Variants in ATM observed in about 807,000 individuals in gnomAD.
ATM encodes ATM serine/threonine kinase.
Under a neutral mutation model 387.0 loss-of-function variants are expected in ATM, and 308 were observed. The ratio of observed to expected loss-of-function variants is 0.80; its 90% CI spans 0.73 to 0.87. ATM has a LOEUF of 0.87. Among genes scored for constraint, ATM ranks in the 40% least tolerant of loss-of-function variants. The pLI, the probability that ATM is intolerant of heterozygous loss-of-function variation, is 0.00. For missense variants in ATM, 3,312 were observed against 3,560.9 expected (o/e 0.93, Z 1.78); for synonymous variants, 1,156 against 1,187.3 (o/e 0.97, Z 0.54).
intron 40 of ATM, 83 bp from the exon 41 acceptor site, chr11:108,315,740 G>T: frequency 1.0e-6 from 1 of 958,466 alleles, no homozygotes; most frequent in Non-Finnish European, 1.7e-6. Context: ...GTTACATATT[G>T]GTAATGATAC....
In ATM at chr11:108,335,944, A is replaced by G. The variant is rs2086799919; in HGVS notation, c.8251A>G (p.Thr2751Ala). The G allele has an allele frequency of 3.7e-6, 6 of 1,609,648 alleles. No individual in the cohort carries two copies. The highest frequency in any genetic ancestry group is 5.1e-6 in the Non-Finnish European group (6 of 1,176,022). ...CACGGAAACTAGGAAGAGGAAATTAACTATCTGTACTTATAAGGTAACTAT... is the reference window on the plus strand; with the variant it reads ...CACGGAAACTAGGAAGAGGAAATTAGCTATCTGTACTTATAAGGTAACTAT... ...RNTETRKRKLTICTYKVVPLS... is the reference protein window; with the variant it reads ...RNTETRKRKLAICTYKVVPLS... The change falls in exon 56 of 63, where the codon ACT becomes GCT. Residue 2751 changes from threonine to alanine, a missense_variant. Around this residue, in one of 4 missense-constraint regions of ATM, gnomAD observed 1,405 missense variants for 1,604.4 expected, o/e 0.88. Coordinates refer to ENST00000675843, the MANE Select transcript of ATM (RefSeq NM_000051.4).
Position 108,320,307 on chromosome 11 carries a change from A to T in ATM, c.6452+249A>T, listed in dbSNP as rs139346740. Among the ~76,000 whole-genome samples the T allele has an allele frequency of 5.0e-3, 765 of 152,252 alleles. 12 individuals carry two copies. The highest frequency in any genetic ancestry group is 0.018 in the African/African-American group (730 of 41,542). On this transcript the variant is annotated intron_variant, in intron 44 of 62. Coordinates refer to ENST00000675843, the MANE Select transcript of ATM (RefSeq NM_000051.4). ...GTGATTCCCTCTTTGTTCTCTTCCTATACAAGTATCCTGAGAATTATATCT... is the reference window on the plus strand; with the variant it reads ...GTGATTCCCTCTTTGTTCTCTTCCTTTACAAGTATCCTGAGAATTATATCT...
At chr11:108,265,177 C>A (rs1380972380) in intron 16 of ATM, among the ~76,000 whole-genome samples, 1 of 151,718 alleles carries the variant, frequency 6.6e-6, no homozygotes, top group East Asian at 1.9e-4. Flanking sequence ...ATCGGCAAGT[C>A]AATCCTAAGC....
intron 16 of ATM, among the ~76,000 whole-genome samples, chr11:108,261,847 A>G (rs1161001981): frequency 6.6e-5 from 10 of 152,330 alleles, no homozygotes; most frequent in Non-Finnish European, 8.8e-5. Flanking sequence ...CAGAAGCCTC[A>G]GGAGCCGATG....
intron 4 of ATM, chr11:108,230,501 G>A (rs142866285): frequency 6.6e-5 from 10 of 152,292 alleles, no homozygotes; most frequent in Admixed American, 5.9e-4. Context: ...TTTTTAGTGT[G>A]ACATCCTTAG....
At chr11:108,265,396 T>G (rs1427795074) in intron 16 of ATM, among the ~76,000 whole-genome samples, 5 of 152,162 alleles carry the variant, frequency 3.3e-5, no homozygotes, top group Non-Finnish European at 5.9e-5. Context: ...GATTCCCTAT[T>G]TAATAAATGG....
chr11:108,284,054 T>C lies in ATM; in HGVS notation c.3747-173T>C, dbSNP rs373028945. Among the ~76,000 whole-genome samples the C allele has an allele frequency of 3.3e-3, 502 of 152,318 alleles. 3 individuals carry two copies. The highest frequency in any genetic ancestry group is 0.012 in the African/African-American group (489 of 41,574). ...AGCTTTCTAATTTTTTTAATGTGACTATTTAGAATTTACTTAATTTTTCCA... is the reference window on the plus strand; with the variant it reads ...AGCTTTCTAATTTTTTTAATGTGACCATTTAGAATTTACTTAATTTTTCCA... On this transcript the variant is annotated intron_variant, in intron 25 of 62. Transcript: ENST00000675843.
At chr11:108,251,731 AT>A in intron 10 of ATM, 105 bp from the exon 11 acceptor site, 1 of 1,105,144 alleles carries the variant, frequency 9.0e-7, no homozygotes, top group South Asian at 1.3e-5. Flanking sequence ...TTTTATGTTC[AT>A]TTAGTCACCT....
rs1229180995 is a variant in ATM at position 108,360,588 on chromosome 11, C to T, written c.8851-4494C>T. 4.0e-5 allele frequency among the ~76,000 whole-genome samples: 6 copies of T among 148,174 alleles called. No homozygotes were observed. In the East Asian group the frequency reaches 1.2e-3, roughly 29 times the overall value. On this transcript the variant is annotated intron_variant, in intron 61 of 62. Transcript: ENST00000675843. The stretch of plus-strand genomic sequence containing the variant: ...ACGAATCCAGCAGCACATCCAAAAG[C>T]TTATCCACCATGATCCAGTGGGCTT...
chr11:108,294,679 G>A lies in ATM; in HGVS notation c.4777-248G>A, dbSNP rs680113. 0.52 allele frequency among the ~76,000 whole-genome samples: 79,078 copies of A among 151,570 alleles called. 21,439 individuals are homozygous for A. The highest frequency in any genetic ancestry group is 0.73 in the Middle Eastern group (211 of 290). On this transcript the variant is annotated intron_variant, in intron 31 of 62. Transcript: ENST00000675843. Reference sequence around the variant, plus strand: ...CACTTGAACCGGGGAGGCGGAGGTAGCAGTGAGCCTTGATAGCGCCACTGC... The same window carrying A: ...CACTTGAACCGGGGAGGCGGAGGTAACAGTGAGCCTTGATAGCGCCACTGC...
chr11:108,256,208 C>CAAA lies in ATM; in HGVS notation c.2125-7_2125-6insAAA. ...TATATATATTTTTATTTGTGGTTTA[C>CAAA]TTTAAGATTACAAATTCAGAAACTC... On this transcript the variant is annotated splice_region_variant and splice_polypyrimidine_tract_variant and intron_variant, in intron 13 of 62. Transcript: ENST00000675843. The CAAA allele has an allele frequency of 6.3e-7, 1 of 1,598,706 alleles. No individual in the cohort carries two copies. Among genetic ancestry groups the CAAA allele is most frequent in the Non-Finnish European group, 8.5e-7 (1 of 1,170,086 alleles).
chr11:108,298,970 A>G (rs899206012), intron 33 of ATM, among the ~76,000 whole-genome samples: 11 of 152,214 alleles, frequency 7.2e-5, no homozygotes, highest in Middle Eastern at 3.2e-3. Flanking sequence ...CCAGGAATAA[A>G]TTTAATCAAA....
At chr11:108,293,242 C>T (rs1591676381) in intron 30 of ATM, 71 bp from the exon 31 acceptor site, 2 of 950,062 alleles carry the variant, frequency 2.1e-6, no homozygotes, top group South Asian at 3.4e-5. Context: ...TCATTTATTA[C>T]AGTAAGTTTT....
intron 22 of ATM, among the ~76,000 whole-genome samples, chr11:108,276,699 G>A (rs558900980): frequency 6.6e-6 from 1 of 152,190 alleles, no homozygotes; most frequent in African/African-American, 2.4e-5. Flanking sequence ...GGAGGCTGCA[G>A]AACAGCAAAG....
chr11:108,237,899 GTT>G (rs369161623), intron 5 of ATM, among the ~76,000 whole-genome samples: 6 of 92,044 alleles, frequency 6.5e-5, no homozygotes, highest in Non-Finnish European at 7.9e-5. Context: ...ATTTACTTAG[GTT>G]TTTTTTTTTT....
intron 58 of ATM, 76 bp downstream of exon 58, chr11:108,345,984 T>C (rs1243053081): frequency 1.0e-5 from 16 of 1,551,522 alleles, no homozygotes; most frequent in Non-Finnish European, 1.4e-5. Flanking sequence ...TTCAGCACTT[T>C]TTCTACATTC....
At chr11:108,266,842 C>G (rs955701350) in intron 16 of ATM, among the ~76,000 whole-genome samples, 3 of 144,794 alleles carry the variant, frequency 2.1e-5, no homozygotes, top group Non-Finnish European at 3.0e-5. Context: ...CAAACCCAGG[C>G]TGGAGTGCAG....
intron 29 of ATM, among the ~76,000 whole-genome samples, chr11:108,292,081 A>T (rs2082825650): frequency 6.6e-6 from 1 of 152,190 alleles, no homozygotes; most frequent in African/African-American, 2.4e-5. Context: ...GCTGGTATGA[A>T]GTTAAACAAA....
Position 108,304,808 on chromosome 11 carries a change from TCTCG to T in ATM, c.5632_5635del (p.Ser1878LysfsTer38), listed in dbSNP as rs758852420. 9 of 1,613,462 alleles carry T rather than the reference TCTCG, an allele frequency of 5.6e-6. No individual in the cohort carries two copies. In the South Asian group the frequency reaches 9.9e-5, roughly 18 times the overall value. On this transcript the variant is annotated frameshift_variant, in exon 37 of 63. Transcript: ENST00000675843. LOFTEE classifies it high-confidence loss of function. Reference sequence around the variant, plus strand: ...TTTTTCACCAGCTGTCTTCGACACTTCTCGCAAACGAGCCGATCCACAACCCCTG... The same window carrying T: ...TTTTTCACCAGCTGTCTTCGACACTTCAAACGAGCCGATCCACAACCCCTG...
Sources: gnomAD v4.1 joint callset for allele counts (sites outside exome capture counted in the v4.1 genomes callset) on GRCh38, gnomAD v4.1.1 for gene constraint, gnomAD v4.1.1 regional missense constraint, MANE v1.5 for transcripts, NCBI Gene and HGNC (gene_info 2026-07-23, HGNC 2026-07-21) for gene names.